Variants in TYR observed in about 807,000 individuals in gnomAD.
TYR encodes the protein tyrosinase, also known as LB24-AB.
In TYR, 58 loss-of-function variants were observed where a neutral mutation model predicts 51.5. That is an observed-to-expected ratio of 1.13 (90% confidence interval 0.91 to 1.40). The LOEUF (loss-of-function observed/expected upper bound fraction) is 1.40. Among genes scored for constraint, TYR ranks in the 40% most tolerant of loss-of-function variants. TYR has a pLI of 0.00. For synonymous variants in TYR, 263 were observed against 235.2 expected (o/e 1.12, Z -1.08); for missense variants, 732 against 647.4 (o/e 1.13, Z -1.42).
intron 4 of TYR, among the ~76,000 whole-genome samples, chr11:89,292,997 T>C (rs951353639): frequency 6.6e-6 from 1 of 152,166 alleles, no homozygotes; most frequent in Non-Finnish European, 1.5e-5. Flanking sequence ...CAGCAGGATC[T>C]GTCTAGTTCC....
intron 4 of TYR, among the ~76,000 whole-genome samples, chr11:89,290,348 G>A (rs1411536131): frequency 6.6e-6 from 1 of 152,060 alleles, no homozygotes; most frequent in East Asian, 1.9e-4. Flanking sequence ...ATGAATTAAA[G>A]TGGAGCAATA....
chr11:89,260,654 A>T (rs1944446456), intron 3 of TYR, among the ~76,000 whole-genome samples: 1 of 152,190 alleles, frequency 6.6e-6, no homozygotes, highest in South Asian at 2.1e-4. Context: ...AGATAAATTT[A>T]AAAGACTACA....
chr11:89,205,904 T>C (rs537943343), intron 2 of TYR, among the ~76,000 whole-genome samples: 1 of 152,208 alleles, frequency 6.6e-6, no homozygotes, highest in African/African-American at 2.4e-5. Context: ...AGATAAATAT[T>C]TAAGACAAAT....
intron 2 of TYR, among the ~76,000 whole-genome samples, chr11:89,195,984 G>T (rs556346950): frequency 6.6e-6 from 1 of 152,128 alleles, no homozygotes. Context: ...AACTGACTAG[G>T]ATTACATCCT....
At chr11:89,240,942 C>CA (rs1343325730) in intron 3 of TYR, among the ~76,000 whole-genome samples, 1 of 152,044 alleles carries the variant, frequency 6.6e-6, no homozygotes, top group Non-Finnish European at 1.5e-5. Flanking sequence ...AACAAACAAA[C>CA]AAAAAACTTT....
chr11:89,216,853 G>A (rs954872011), intron 2 of TYR, among the ~76,000 whole-genome samples: 5 of 151,994 alleles, frequency 3.3e-5, no homozygotes, highest in South Asian at 4.2e-4. Context: ...GAAGAATAGC[G>A]TATGACTATT....
At chr11:89,249,778 T>C (rs1426183164) in intron 3 of TYR, among the ~76,000 whole-genome samples, 2 of 152,034 alleles carry the variant, frequency 1.3e-5, no homozygotes, top group Non-Finnish European at 2.9e-5. Context: ...AGAATGATTA[T>C]ATGTTGTTGA....
intron 2 of TYR, among the ~76,000 whole-genome samples, chr11:89,207,488 A>G (rs1416536834): frequency 6.6e-6 from 1 of 152,190 alleles, no homozygotes; most frequent in Non-Finnish European, 1.5e-5. Flanking sequence ...AAAACTACCA[A>G]AATAGAAATC....
chr11:89,288,570 T>C (rs1027751419), intron 4 of TYR, among the ~76,000 whole-genome samples: 1 of 152,016 alleles, frequency 6.6e-6, no homozygotes, highest in African/African-American at 2.4e-5. Flanking sequence ...ACAATTTACT[T>C]GAAATGCTTT....
chr11:89,212,041 G>A (rs1943765082), intron 2 of TYR, among the ~76,000 whole-genome samples: 1 of 152,092 alleles, frequency 6.6e-6, no homozygotes, highest in Non-Finnish European at 1.5e-5. Context: ...AAAAGAAGTA[G>A]AGAAGCAAGA....
At chr11:89,186,601 T>C (rs1462132294) in intron 1 of TYR, among the ~76,000 whole-genome samples, 5 of 152,082 alleles carry the variant, frequency 3.3e-5, no homozygotes, top group African/African-American at 4.8e-5. Flanking sequence ...GGTTGGGTGT[T>C]GATCCCATGA....
intron 3 of TYR, among the ~76,000 whole-genome samples, chr11:89,284,337 C>T (rs970684145): frequency 4.0e-5 from 6 of 151,820 alleles, no homozygotes; most frequent in African/African-American, 1.2e-4. Flanking sequence ...ATGTTTAAAT[C>T]ATTGAAAGCC....
intron 2 of TYR, among the ~76,000 whole-genome samples, chr11:89,227,386 C>T (rs1013191087): frequency 6.6e-6 from 1 of 152,038 alleles, no homozygotes; most frequent in Non-Finnish European, 1.5e-5. Context: ...TCTCTGGAAC[C>T]AGAAACCAAA....
intron 1 of TYR, among the ~76,000 whole-genome samples, chr11:89,186,325 T>C (rs2135248716): frequency 6.6e-6 from 1 of 152,330 alleles, no homozygotes; most frequent in South Asian, 2.1e-4. Context: ...GTTGAAATTC[T>C]TATTAATCTT....
intron 2 of TYR, chr11:89,200,622 ATG>A (rs1390688366): frequency 6.6e-6 from 1 of 152,040 alleles, no homozygotes; most frequent in Non-Finnish European, 1.5e-5. Context: ...TTAATTTGTT[ATG>A]TGATAGTATA....
chr11:89,222,987 G>A (rs75198038), intron 2 of TYR, among the ~76,000 whole-genome samples: 2,540 of 152,152 alleles, frequency 0.017, 62 homozygotes, highest in African/African-American at 0.057. Flanking sequence ...CTGTAATTTG[G>A]TAGCTAAAAA....
At chr11:89,216,705 G>T (rs1273050667) in intron 2 of TYR, among the ~76,000 whole-genome samples, 1 of 91,232 alleles carries the variant, frequency 1.1e-5, no homozygotes, top group Non-Finnish European at 2.0e-5. Flanking sequence ...TTAAGAAAAA[G>T]AAGTTGATTT....
At chr11:89,211,987 A>G (rs1038701786) in intron 2 of TYR, among the ~76,000 whole-genome samples, 2 of 152,232 alleles carry the variant, frequency 1.3e-5, no homozygotes, top group African/African-American at 4.8e-5. Flanking sequence ...TGCCCACAAG[A>G]GAAAGCAGGA....
chr11:89,202,251 T>C (rs911403766), intron 2 of TYR, among the ~76,000 whole-genome samples: 1 of 152,076 alleles, frequency 6.6e-6, no homozygotes. Context: ...GTCACCTTGC[T>C]TCTCTCTCTG....
Sources: gnomAD v4.1 joint callset for allele counts (sites outside exome capture counted in the v4.1 genomes callset) on GRCh38, gnomAD v4.1.1 for gene constraint, MANE v1.5 for transcripts, NCBI Gene and HGNC (gene_info 2026-07-23, HGNC 2026-07-21) for gene names.